PLEKHG4B: variants seen among roughly 807,000 people sequenced by gnomAD.
PLEKHG4B encodes pleckstrin homology and RhoGEF domain containing G4B.
In PLEKHG4B, 111 loss-of-function variants were observed where a neutral mutation model predicts 121.3. The ratio of observed to expected loss-of-function variants is 0.92; its 90% CI spans 0.78 to 1.07. The LOEUF (loss-of-function observed/expected upper bound fraction) is 1.07. Ranked by LOEUF, PLEKHG4B falls within the 50% of genes least tolerant of loss-of-function variation. The pLI, the probability that PLEKHG4B is intolerant of heterozygous loss-of-function variation, is 0.00. For synonymous variants in PLEKHG4B, 738 were observed against 725.0 expected (o/e 1.02, Z -0.29); for missense variants, 1,831 against 1,757.8 (o/e 1.04, Z -0.74).
chr5:181,401 T>A (rs1224874404), intron 18 of PLEKHG4B, 113 bp from the exon 19 acceptor site: 1 of 1,157,848 alleles, frequency 8.6e-7, no homozygotes, highest in African/African-American at 1.5e-5. Flanking sequence ...AGGGTGGGTA[T>A]ACCCTGTACA....
At chr5:176,883 G>T (rs1736775235) in intron 18 of PLEKHG4B, among the ~76,000 whole-genome samples, 2 of 152,186 alleles carry the variant, frequency 1.3e-5, no homozygotes, top group African/African-American at 2.4e-5. Context: ...CTGGGGCTGT[G>T]GGGCCTGGGC....
At chr5:167,024 G>C (rs887645782) in intron 13 of PLEKHG4B, among the ~76,000 whole-genome samples, 13 of 152,184 alleles carry the variant, frequency 8.5e-5, no homozygotes, top group African/African-American at 3.1e-4. Context: ...TCAGGTTTGG[G>C]GGGCAGCAGA....
rs1372264995 is a variant in PLEKHG4B, at chr5:113,859, T to G, written c.243+411T>G. On this transcript the variant is annotated intron_variant, in intron 2 of 19. Transcript: ENST00000637938. This position sits in a 1 kb window ranked among gnomAD's most constrained non-coding sequence, Gnocchi z 5.2. ...AAGGCCCACCTGGAAGGGATAGTAG[T>G]GAGAACCTCAGAGCTAAGTCAGTGC... Among the ~76,000 whole-genome samples, 1 of 151,956 alleles carries G rather than the reference T, an allele frequency of 6.6e-6. No individual in the cohort carries two copies. The highest frequency in any genetic ancestry group is 1.5e-5 in the Non-Finnish European group (1 of 68,002).
intron 2 of PLEKHG4B, among the ~76,000 whole-genome samples, chr5:138,347 A>C (rs953838387): frequency 2.0e-5 from 3 of 152,058 alleles, no homozygotes; most frequent in African/African-American, 4.8e-5. Flanking sequence ...GTGAAGTTTG[A>C]GCTTAAATTC....
chr5:104,957 C>G (rs796619621), intron 1 of PLEKHG4B, among the ~76,000 whole-genome samples: 2 of 143,036 alleles, frequency 1.4e-5, no homozygotes, highest in Non-Finnish European at 3.0e-5. Flanking sequence ...TGTTCCAGTT[C>G]TGGTGTTCCC....
At chr5:116,732 C>T (rs992594144) in intron 2 of PLEKHG4B, among the ~76,000 whole-genome samples, 5 of 152,156 alleles carry the variant, frequency 3.3e-5, no homozygotes, top group African/African-American at 7.2e-5. Flanking sequence ...TGAATTAGGG[C>T]GTTGTTTTGA....
intron 2 of PLEKHG4B, among the ~76,000 whole-genome samples, chr5:134,729 G>A (rs1472706767): frequency 2.0e-5 from 3 of 148,806 alleles, no homozygotes; most frequent in East Asian, 2.0e-4. Flanking sequence ...TCGTGCCACT[G>A]CACTCCAGCC....
In PLEKHG4B at chr5:171,278, G is replaced by A. The variant is rs115996841; in HGVS notation, c.3884G>A (p.Arg1295His). 1,125 of 1,611,794 alleles carry A rather than the reference G, an allele frequency of 7.0e-4. 12 individuals carry two copies. The East Asian group carries it at 0.015, about 21-fold the overall frequency. Reference sequence around the variant, plus strand: ...TCCTACCTGCTGCGGCCCGTGCAGCGTGTGGCCAAGTACGCGCTGCTACTC... The same window carrying A: ...TCCTACCTGCTGCGGCCCGTGCAGCATGTGGCCAAGTACGCGCTGCTACTC... ...LASYLLRPVQRVAKYALLLQD... is the reference protein window; with the variant it reads ...LASYLLRPVQHVAKYALLLQD... The change falls in exon 16 of 20, where the codon CGT (arginine) becomes CAT (histidine). Residue 1295 changes from arginine to histidine, a missense_variant. Transcript: ENST00000637938.
In PLEKHG4B at chr5:111,951, G is replaced by C. The variant is rs916878091; in HGVS notation, c.46-1300G>C. Reference sequence around the variant, plus strand: ...ACGGGCCCACTCATTCTCATGGACTGTGTGACCCTGGCCTGAGACGGGCCC... The same window carrying C: ...ACGGGCCCACTCATTCTCATGGACTCTGTGACCCTGGCCTGAGACGGGCCC... On this transcript the variant is annotated intron_variant, in intron 1 of 19. Coordinates refer to ENST00000637938, the MANE Select transcript of PLEKHG4B (RefSeq NM_052909.5). 2.9e-5 allele frequency among the ~76,000 whole-genome samples: 3 copies of C among 102,462 alleles called. 1 individual carries two copies. The South Asian group carries it at 6.9e-4, about 23-fold the overall frequency. 67.2% of individuals were successfully genotyped at this position (102,462 alleles called of 152,430 possible).
chr5:173,783 C>T (rs891733723), intron 17 of PLEKHG4B, 135 bp from the exon 18 acceptor site: 3 of 1,037,048 alleles, frequency 2.9e-6, no homozygotes, highest in Non-Finnish European at 4.2e-6. Flanking sequence ...TGTGGTCTCG[C>T]TCACCCTGAC....
intron 1 of PLEKHG4B, among the ~76,000 whole-genome samples, chr5:100,280 G>A (rs1446687819): frequency 6.6e-6 from 1 of 152,140 alleles, no homozygotes; most frequent in East Asian, 1.9e-4. Flanking sequence ...AAAATTACTA[G>A]AAAGTCTGCA....
At chr5:147,364 G>A (rs1182687814) in intron 6 of PLEKHG4B, among the ~76,000 whole-genome samples, 1 of 152,198 alleles carries the variant, frequency 6.6e-6, no homozygotes, top group Non-Finnish European at 1.5e-5. Flanking sequence ...GCTGTCCCTG[G>A]TTGGGCACCT....
chr5:134,634 C>T lies in PLEKHG4B; in HGVS notation c.244-4849C>T, dbSNP rs578249861. On this transcript the variant is annotated intron_variant, in intron 2 of 19. Coordinates refer to ENST00000637938, the MANE Select transcript of PLEKHG4B (RefSeq NM_052909.5). Reference sequence around the variant, plus strand: ...TACAAAAATTAGCCAGGTATGGTGGCGTGTGCCTGTAATCCGAGCTACTCG... The same window carrying T: ...TACAAAAATTAGCCAGGTATGGTGGTGTGTGCCTGTAATCCGAGCTACTCG... 4.1e-4 allele frequency among the ~76,000 whole-genome samples: 62 copies of T among 151,932 alleles called. No individual in the cohort carries two copies. In the South Asian group the frequency reaches 0.012, roughly 31 times the overall value.
chr5:103,334 T>C (rs1397784244), intron 1 of PLEKHG4B, among the ~76,000 whole-genome samples: 1 of 152,176 alleles, frequency 6.6e-6, no homozygotes, highest in East Asian at 1.9e-4. Flanking sequence ...GGGCTCATTT[T>C]ATTTTTTCTG....
rs116432258 is a variant in PLEKHG4B, at chr5:182,139, G to T, written c.4700G>T (p.Gly1567Val). Residue 1567 changes from glycine to valine, a missense_variant, in exon 20 of 20, where the codon GGC becomes GTC. Transcript: ENST00000637938. ...SQSSSILGSL[G>V]LLVSSSPAHP... is the part of the protein sequence containing the mutation. The stretch of plus-strand genomic sequence containing the variant: ...TCCTCCTCCATCCTGGGGTCGCTGG[G>T]CCTGCTTGTGTCCTCCAGCCCAGCC... 2.2e-3 allele frequency: 3,569 copies of T among 1,614,034 alleles called. 7 individuals are homozygous for T. The highest frequency in any genetic ancestry group is 2.7e-3 in the Non-Finnish European group (3,245 of 1,180,028).
chr5:129,749 A>G (rs1734723134), intron 2 of PLEKHG4B, among the ~76,000 whole-genome samples: 1 of 152,180 alleles, frequency 6.6e-6, no homozygotes, highest in Admixed American at 6.5e-5. Flanking sequence ...CCATCAAGAT[A>G]GTGGTGGGTG....
Position 151,553 on chromosome 5 carries a change from T to C in PLEKHG4B, c.1946T>C (p.Val649Ala). The C allele has an allele frequency of 6.3e-7, 1 of 1,591,548 alleles. No homozygotes were observed. Among genetic ancestry groups the C allele is most frequent in the Non-Finnish European group, 8.6e-7 (1 of 1,160,192 alleles). The change falls in exon 7 of 20, where the codon GTA (valine) becomes GCA (alanine). Residue 649 changes from valine (V) to alanine (A), a missense_variant. Coordinates refer to ENST00000637938, the MANE Select transcript of PLEKHG4B (RefSeq NM_052909.5). ...ATAATTCATAGTATCTTGCTGTTGG[T>C]AGATAAAGAATCTGCATTTAGGCCT... ...SPIIHSILLL[V>A]DKESAFRPDK...
chr5:164,933 C>T (rs1376450956), intron 13 of PLEKHG4B, among the ~76,000 whole-genome samples: 1 of 64,866 alleles, frequency 1.5e-5, no homozygotes, highest in Admixed American at 1.3e-4. Flanking sequence ...CACACTAATG[C>T]TGTGACGGGG....
chr5:171,282 G>A lies in PLEKHG4B; in HGVS notation c.3888G>A (p.Val1296=), dbSNP rs372470262. The change falls in exon 16 of 20, where the codon GTG becomes GTA. Residue 1296 remains valine (V), a synonymous_variant. Coordinates refer to ENST00000637938, the MANE Select transcript of PLEKHG4B (RefSeq NM_052909.5). ...ACCTGCTGCGGCCCGTGCAGCGTGT[G>A]GCCAAGTACGCGCTGCTACTCCAGG... ...ASYLLRPVQR[V]AKYALLLQDL... is the part of the protein sequence containing the mutation. The A allele has an allele frequency of 9.3e-6, 15 of 1,611,822 alleles. No individual in the cohort carries two copies. The highest frequency in any genetic ancestry group is 1.3e-5 in the Non-Finnish European group (15 of 1,179,416).
Sources: gnomAD v4.1 joint callset for allele counts (sites outside exome capture counted in the v4.1 genomes callset) on GRCh38, gnomAD v4.1.1 for gene constraint, Gnocchi (gnomAD v3.1) non-coding constraint, MANE v1.5 for transcripts, NCBI Gene and HGNC (gene_info 2026-07-23, HGNC 2026-07-21) for gene names.